Variants in CACNA2D3 observed in about 807,000 individuals in gnomAD.
CACNA2D3 encodes calcium voltage-gated channel auxiliary subunit alpha2delta 3, also known as voltage-dependent calcium channel subunit alpha-2/delta-3.
CACNA2D3 carries 60 observed loss-of-function variants against 160.6 expected under a neutral mutation model. The observed-to-expected ratio is 0.37, with a 90% confidence interval of 0.30 to 0.46. The LOEUF is 0.46. Ranked by LOEUF, CACNA2D3 falls within the 20% of genes least tolerant of loss-of-function variation. CACNA2D3 has a pLI of 1.00. For synonymous variants in CACNA2D3, 558 were observed against 492.9 expected, an observed-to-expected ratio of 1.13 and a Z score of -1.75; for missense variants, 1,205 against 1,365.0, an observed-to-expected ratio of 0.88 and a Z score of 1.85.
rs61291743 is a variant in CACNA2D3, at chr3:54,522,933, TTTACTTACTTACTTACTTAC to T, written c.544+19301_544+19320del. 1.1e-4 allele frequency among the ~76,000 whole-genome samples: 15 copies of T among 135,432 alleles called. No homozygotes were observed. In the East Asian group the frequency reaches 2.9e-3, roughly 26 times the overall value. The allele number at this position is 135,432 out of a possible 152,430, so 88.8% of individuals were successfully genotyped here. On this transcript the variant is annotated intron_variant, in intron 5 of 37. Coordinates refer to ENST00000474759, the MANE Select transcript of CACNA2D3 (RefSeq NM_018398.3). The stretch of plus-strand genomic sequence containing the variant: ...ATTTATTTATTTATTTATTTATTTA[TTTACTTACTTACTTACTTAC>T]TTACTTACTTACTTACTTACTGACC...
At chr3:54,510,734 T>C (rs1444034768) in intron 5 of CACNA2D3, among the ~76,000 whole-genome samples, 2 of 152,164 alleles carry the variant, frequency 1.3e-5, no homozygotes, top group African/African-American at 4.8e-5. Flanking sequence ...ATTTCACTCT[T>C]GGGCCCTCTG....
chr3:54,403,271 C>T (rs1268593189), intron 4 of CACNA2D3, among the ~76,000 whole-genome samples: 3 of 151,652 alleles, frequency 2.0e-5, no homozygotes, highest in East Asian at 1.9e-4. Context: ...GGAAGGGTGG[C>T]TTAAACCTGG....
intron 2 of CACNA2D3, among the ~76,000 whole-genome samples, chr3:54,142,341 T>C (rs1489889085): frequency 6.6e-6 from 1 of 152,232 alleles, no homozygotes; most frequent in East Asian, 1.9e-4. Context: ...CCTGATTCTT[T>C]AGTTCAGCAA....
intron 14 of CACNA2D3, among the ~76,000 whole-genome samples, chr3:54,820,125 A>G (rs1225127600): frequency 6.6e-6 from 1 of 152,128 alleles, no homozygotes; most frequent in East Asian, 1.9e-4. Flanking sequence ...TACTTTTCAC[A>G]TGAGGTCATG....
chr3:54,846,700 T>C (rs1049746986), intron 17 of CACNA2D3, among the ~76,000 whole-genome samples: 1 of 152,232 alleles, frequency 6.6e-6, no homozygotes, highest in Non-Finnish European at 1.5e-5. Context: ...CATATATGTG[T>C]ATATGCATTT....
chr3:54,353,778 T>A lies in CACNA2D3; in HGVS notation c.322-32937T>A, dbSNP rs527493186. Among the ~76,000 whole-genome samples the A allele has an allele frequency of 2.6e-5, 4 of 152,318 alleles. No individual in the cohort carries two copies. The East Asian group carries it at 7.7e-4, about 29-fold the overall frequency. ...TAGCCAAGCCATCTCCCTGCAGACTTGGGCTTCTTGCCACCTGGTCCTGGT... is the reference window on the plus strand; with the variant it reads ...TAGCCAAGCCATCTCCCTGCAGACTAGGGCTTCTTGCCACCTGGTCCTGGT... On this transcript the variant is annotated intron_variant, in intron 3 of 37. Coordinates refer to ENST00000474759, the MANE Select transcript of CACNA2D3 (RefSeq NM_018398.3).
At chr3:54,818,910 G>A (rs1381540984) in intron 14 of CACNA2D3, among the ~76,000 whole-genome samples, 1 of 152,182 alleles carries the variant, frequency 6.6e-6, no homozygotes, top group African/African-American at 2.4e-5. Flanking sequence ...GCTCTTTGAA[G>A]AAGGAGTTTG....
intron 11 of CACNA2D3, among the ~76,000 whole-genome samples, chr3:54,728,432 A>G (rs1701318370): frequency 6.6e-6 from 1 of 152,144 alleles, no homozygotes; most frequent in African/African-American, 2.4e-5. Flanking sequence ...ATTCTTTTTT[A>G]TACTTTATCT....
chr3:54,538,452 C>T (rs1701922090), intron 5 of CACNA2D3, among the ~76,000 whole-genome samples: 1 of 152,164 alleles, frequency 6.6e-6, no homozygotes, highest in Non-Finnish European at 1.5e-5. Flanking sequence ...CTGTGTTAGG[C>T]ATGCCCTCAT....
At chr3:55,020,464 TTACA>T (rs1703422030) in intron 35 of CACNA2D3, among the ~76,000 whole-genome samples, 1 of 150,022 alleles carries the variant, frequency 6.7e-6, no homozygotes, top group Admixed American at 6.7e-5. Context: ...TATGTATGTA[TTACA>T]TACTTTATAT....
intron 35 of CACNA2D3, among the ~76,000 whole-genome samples, chr3:55,050,740 C>T (rs1256496359): frequency 1.5e-5 from 2 of 132,338 alleles, no homozygotes; most frequent in African/African-American, 6.7e-5. Context: ...TTCAGGTACA[C>T]CAATCAGACG....
intron 9 of CACNA2D3, among the ~76,000 whole-genome samples, chr3:54,593,314 A>G (rs527677108): frequency 5.3e-5 from 8 of 152,340 alleles, no homozygotes; most frequent in African/African-American, 1.9e-4. Context: ...ATATGGTTAG[A>G]TAAAGAAACA....
intron 2 of CACNA2D3, among the ~76,000 whole-genome samples, chr3:54,170,317 T>A (rs1479772761): frequency 6.6e-6 from 1 of 152,132 alleles, no homozygotes; most frequent in Non-Finnish European, 1.5e-5. Flanking sequence ...TGGGCTCTGT[T>A]GACCTTCAGA....
intron 4 of CACNA2D3, among the ~76,000 whole-genome samples, chr3:54,423,777 G>A (rs1699872165): frequency 1.3e-5 from 2 of 152,208 alleles, no homozygotes; most frequent in Admixed American, 1.3e-4. Context: ...CCTACCTGGA[G>A]CGTTAGGAAC....
intron 2 of CACNA2D3, among the ~76,000 whole-genome samples, chr3:54,129,821 AGT>A (rs1699672598): frequency 6.6e-6 from 1 of 152,168 alleles, no homozygotes. Flanking sequence ...ATACTTATTA[AGT>A]GTGTGTATGT....
chr3:54,625,001 G>A (rs1407300925), intron 9 of CACNA2D3, among the ~76,000 whole-genome samples: 1 of 152,218 alleles, frequency 6.6e-6, no homozygotes, highest in African/African-American at 2.4e-5. Context: ...GCCTGGATTT[G>A]TTCACCAGGC....
intron 2 of CACNA2D3, among the ~76,000 whole-genome samples, chr3:54,215,363 A>T (rs1464534611): frequency 6.6e-6 from 1 of 152,218 alleles, no homozygotes; most frequent in Non-Finnish European, 1.5e-5. Context: ...ATCTACTGTT[A>T]CAGCGTTTTT....
chr3:54,298,944 T>TAAAAAA lies in CACNA2D3; in HGVS notation c.205-21474_205-21469dup, dbSNP rs59100168. Among the ~76,000 whole-genome samples, 10 of 99,324 alleles carry TAAAAAA rather than the reference T, an allele frequency of 1.0e-4. No homozygotes were observed. In the South Asian group the frequency reaches 2.6e-3, roughly 26 times the overall value. The allele number at this position is 99,324 out of a possible 152,430, so 65.2% of individuals were successfully genotyped here. On this transcript the variant is annotated intron_variant, in intron 2 of 37. Transcript: ENST00000474759. ...AGCAACAGAGCAAGACTCTGTTTCT[T>TAAAAAA]AAAAAAAAAAAAAAAAAAAAAAAAA...
chr3:54,918,947 A>C, intron 27 of CACNA2D3: 1 of 1,402,074 alleles, frequency 7.1e-7, no homozygotes, highest in Non-Finnish European at 9.4e-7. Context: ...ACAGAGTTCC[A>C]AAATCCTCTG....
Sources: allele counts gnomAD v4.1 joint callset (sites outside exome capture counted in the v4.1 genomes callset), GRCh38; gene constraint gnomAD v4.1.1; transcripts MANE v1.5; gene names NCBI Gene and HGNC (gene_info 2026-07-23, HGNC 2026-07-21).